CHCHD3: variants seen among roughly 807,000 people sequenced by gnomAD.
The protein encoded by CHCHD3 is coiled-coil-helix-coiled-coil-helix domain containing 3.
In CHCHD3, 20 loss-of-function variants were observed where a neutral mutation model predicts 38.2. The ratio of observed to expected loss-of-function variants is 0.52; its 90% CI spans 0.37 to 0.76. The LOEUF (loss-of-function observed/expected upper bound fraction) is 0.76, where lower values mean the gene tolerates loss of function less well. Ranked by LOEUF, CHCHD3 falls within the 30% of genes least tolerant of loss-of-function variation. The pLI is 0.00. For missense variants in CHCHD3, 245 were observed against 279.2 expected (o/e 0.88, Z 0.87); for synonymous variants, 82 against 100.0 (o/e 0.82, Z 1.07).
intron 5 of CHCHD3, among the ~76,000 whole-genome samples, chr7:132,861,545 C>T (rs1463124377): frequency 6.6e-6 from 1 of 152,150 alleles, no homozygotes; most frequent in East Asian, 1.9e-4. Context: ...GATATGTCCA[C>T]AATCAATTAT....
At chr7:132,843,001 T>C (rs572666639) in intron 5 of CHCHD3, among the ~76,000 whole-genome samples, 1 of 152,290 alleles carries the variant, frequency 6.6e-6, no homozygotes, top group South Asian at 2.1e-4. Flanking sequence ...GCAGCAATGA[T>C]TACTGTAGTG....
At chr7:133,053,472 A>G (rs1487608560) in intron 2 of CHCHD3, among the ~76,000 whole-genome samples, 1 of 152,216 alleles carries the variant, frequency 6.6e-6, no homozygotes, top group African/African-American at 2.4e-5. Context: ...CCACTGAGCA[A>G]CACTCTGCTA....
intron 4 of CHCHD3, among the ~76,000 whole-genome samples, chr7:132,912,884 C>G (rs1809992156): frequency 6.6e-6 from 1 of 152,186 alleles, no homozygotes; most frequent in Non-Finnish European, 1.5e-5. Flanking sequence ...GTACCTCCCA[C>G]ATAAAGATGT....
chr7:132,790,918 G>A (rs1414833310), intron 7 of CHCHD3, among the ~76,000 whole-genome samples: 2 of 152,138 alleles, frequency 1.3e-5, no homozygotes, highest in East Asian at 1.9e-4. Context: ...GCTTCCATCT[G>A]ATTCCCACAT....
chr7:132,904,809 C>T (rs1416829967), intron 4 of CHCHD3, among the ~76,000 whole-genome samples: 1 of 152,166 alleles, frequency 6.6e-6, no homozygotes, highest in African/African-American at 2.4e-5. Context: ...TATTGCAGCA[C>T]TATTCACAAT....
In CHCHD3 at chr7:132,920,384, A is replaced by G. The variant is rs144947987; in HGVS notation, c.370-34639T>C. Among the ~76,000 whole-genome samples the G allele has an allele frequency of 7.2e-4, 110 of 152,350 alleles. 1 individual carries two copies. The highest frequency in any genetic ancestry group is 2.5e-3 in the African/African-American group (104 of 41,590). Reference sequence around the variant, plus strand: ...TAGAGAATATGGTGCTTAAACAAACAAACAAAACTAGAAAACCTGGCCTTC... The same window carrying G: ...TAGAGAATATGGTGCTTAAACAAACGAACAAAACTAGAAAACCTGGCCTTC... On this transcript the variant is annotated intron_variant, in intron 4 of 7. Transcript: ENST00000262570.
intron 3 of CHCHD3, among the ~76,000 whole-genome samples, chr7:133,013,985 ACT>A (rs1248618077): frequency 2.6e-5 from 4 of 152,076 alleles, no homozygotes; most frequent in Non-Finnish European, 5.9e-5. Context: ...AATTGCAGAA[ACT>A]CTGTTGCATA....
chr7:132,932,089 T>C (rs964019121), intron 4 of CHCHD3, among the ~76,000 whole-genome samples: 2 of 152,212 alleles, frequency 1.3e-5, no homozygotes, highest in African/African-American at 4.8e-5. Context: ...ATTTACCATA[T>C]TAATTTTTAA....
chr7:132,807,493 T>G (rs983127104), intron 6 of CHCHD3, among the ~76,000 whole-genome samples: 1 of 151,594 alleles, frequency 6.6e-6, no homozygotes, highest in Non-Finnish European at 1.5e-5. Context: ...TAATGGAAAA[T>G]GGAATAAGAG....
intron 3 of CHCHD3, among the ~76,000 whole-genome samples, chr7:133,013,995 A>G (rs1003989148): frequency 1.3e-5 from 2 of 152,206 alleles, no homozygotes; most frequent in African/African-American, 4.8e-5. Context: ...ACTCTGTTGC[A>G]TAAGTGTTTC....
At chr7:132,813,821 T>A (rs75639679) in intron 6 of CHCHD3, among the ~76,000 whole-genome samples, 1 of 152,170 alleles carries the variant, frequency 6.6e-6, no homozygotes, top group African/African-American at 2.4e-5. Flanking sequence ...GTGTTTTTGA[T>A]GAAGGGATTA....
At chr7:132,824,565 C>T (rs948429993) in intron 6 of CHCHD3, among the ~76,000 whole-genome samples, 6 of 152,096 alleles carry the variant, frequency 3.9e-5, no homozygotes, top group African/African-American at 7.2e-5. Context: ...CTGCCTGCCT[C>T]GGCCTCCCAA....
At chr7:133,062,245 A>G (rs546805458) in intron 2 of CHCHD3, among the ~76,000 whole-genome samples, 12 of 152,306 alleles carry the variant, frequency 7.9e-5, no homozygotes, top group Admixed American at 2.6e-4. Flanking sequence ...GCAACTTATT[A>G]TAAGAGATTT....
chr7:132,816,207 C>A (rs1807197703), intron 6 of CHCHD3, among the ~76,000 whole-genome samples: 1 of 152,148 alleles, frequency 6.6e-6, no homozygotes, highest in African/African-American at 2.4e-5. Context: ...TAATAGAGAT[C>A]AGATAATGCC....
At chr7:132,808,895 G>A (rs1166045950) in intron 6 of CHCHD3, among the ~76,000 whole-genome samples, 2 of 70,222 alleles carry the variant, frequency 2.8e-5, no homozygotes, top group Admixed American at 2.0e-4. Flanking sequence ...CTCCCCCCAC[G>A]AAACTGGAAA....
At chr7:133,059,882 T>C (rs1392362638) in intron 2 of CHCHD3, among the ~76,000 whole-genome samples, 1 of 152,194 alleles carries the variant, frequency 6.6e-6, no homozygotes, top group Non-Finnish European at 1.5e-5. Context: ...CAAACATTTA[T>C]GAGGCACCTA....
chr7:132,811,787 T>C (rs1807077511), intron 6 of CHCHD3, among the ~76,000 whole-genome samples: 1 of 152,180 alleles, frequency 6.6e-6, no homozygotes, highest in African/African-American at 2.4e-5. Context: ...CATTGTCTTC[T>C]AACTGATCCC....
Position 133,035,486 on chromosome 7 carries a change from G to A in CHCHD3, c.170-10859C>T. 4 of 1,613,480 alleles carry A rather than the reference G, an allele frequency of 2.5e-6. No homozygotes were observed. The highest frequency in any genetic ancestry group is 8.5e-7 in the Non-Finnish European group (1 of 1,179,482). ...CCACCAGAAAAGTCCTCGTCTTCAA[G>A]TAAGCATCCAGCAGCCCCAGAATTC... On this transcript the variant is annotated intron_variant, in intron 2 of 7. Transcript: ENST00000262570. This position sits in a 1 kb window ranked among gnomAD's most constrained non-coding sequence, Gnocchi z 4.7.
At chr7:133,030,674 A>G (rs561731989) in intron 2 of CHCHD3, among the ~76,000 whole-genome samples, 1 of 152,350 alleles carries the variant, frequency 6.6e-6, no homozygotes, top group African/African-American at 2.4e-5. Flanking sequence ...AGACAAAAGA[A>G]TGTTTTCTTT....
Sources: allele counts gnomAD v4.1 joint callset (sites outside exome capture counted in the v4.1 genomes callset), GRCh38; gene constraint gnomAD v4.1.1; non-coding constraint Gnocchi (gnomAD v3.1); transcripts MANE v1.5; gene names NCBI Gene and HGNC (gene_info 2026-07-23, HGNC 2026-07-21).